DCTN6: variants seen among roughly 807,000 people sequenced by gnomAD.
DCTN6 encodes dynactin subunit 6.
DCTN6 carries 15 observed loss-of-function variants against 25.8 expected under a neutral mutation model. The ratio of observed to expected loss-of-function variants is 0.58; its 90% CI spans 0.39 to 0.89. The LOEUF (loss-of-function observed/expected upper bound fraction) is 0.89. Ranked by LOEUF, DCTN6 falls within the 40% of genes least tolerant of loss-of-function variation. The probability of loss-of-function intolerance (pLI) is 0.00; values close to 1 mark genes in which losing one functional copy is unlikely to be tolerated. For missense variants in DCTN6, 198 were observed against 237.6 expected, an observed-to-expected ratio of 0.83 and a Z score of 1.09; for synonymous variants, 64 against 78.3, an observed-to-expected ratio of 0.82 and a Z score of 0.96.
intron 6 of DCTN6, 36 bp from the exon 7 acceptor site, chr8:30,183,039 T>G (rs1319672688): frequency 1.3e-6 from 2 of 1,595,276 alleles, no homozygotes; most frequent in Non-Finnish European, 1.7e-6. Flanking sequence ...TGACTTTGCT[T>G]TCTGCCAATC....
chr8:30,180,883 C>T (rs565794937), intron 6 of DCTN6: 1 of 513,474 alleles, frequency 1.9e-6, no homozygotes, highest in African/African-American at 1.9e-5. Flanking sequence ...ACTAGAAAAA[C>T]TAAGCCAGGT....
chr8:30,161,748 AT>A (rs11292520), intron 1 of DCTN6, among the ~76,000 whole-genome samples: 112,740 of 138,726 alleles, frequency 0.81, 47,149 homozygotes, highest in Middle Eastern at 0.92. Context: ...TTGTGTTTTA[AT>A]TTTTTTTTTT....
At chr8:30,165,937 G>A (rs988073043) in intron 2 of DCTN6, 2 of 151,972 alleles carry the variant, frequency 1.3e-5, no homozygotes, top group Admixed American at 6.6e-5. Context: ...CAGTGCCGTG[G>A]TAACTCTTTG....
chr8:30,183,164 A>G lies in DCTN6; in HGVS notation c.564A>G (p.Val188=), dbSNP rs762461803. ...CTATGAAAGGAAGCTCAACTCCAGT[A>G]AAGAACTAAGAACAGTGTATAACAT... ...KKTMKGSSTP[V]KN is the part of the protein sequence containing the mutation. The change falls in exon 7 of 7, where the codon GTA becomes GTG. Residue 188 remains valine (V), a synonymous_variant. Coordinates refer to ENST00000221114, the MANE Select transcript of DCTN6 (RefSeq NM_006571.4). 6.8e-6 allele frequency: 11 copies of G among 1,613,334 alleles called. No homozygotes were observed. The highest frequency in any genetic ancestry group is 5.3e-5 in the African/African-American group (4 of 74,918).
chr8:30,175,701 A>G (rs2117594227), intron 3 of DCTN6, among the ~76,000 whole-genome samples: 1 of 152,310 alleles, frequency 6.6e-6, no homozygotes, highest in East Asian at 1.9e-4. Context: ...ATTAAAAATA[A>G]TAAAATACTA....
chr8:30,160,228 G>A (rs760949933), intron 1 of DCTN6, among the ~76,000 whole-genome samples: 3 of 152,166 alleles, frequency 2.0e-5, no homozygotes, highest in Non-Finnish European at 4.4e-5. Flanking sequence ...GGAGGGACCA[G>A]GTGGAGATAA....
intron 1 of DCTN6, 120 bp downstream of exon 1, chr8:30,156,526 C>A: frequency 8.1e-7 from 1 of 1,241,862 alleles, no homozygotes; most frequent in Non-Finnish European, 1.2e-6. Context: ...GCCGAAGGTA[C>A]CTGAAGCCCA....
chr8:30,175,359 A>G (rs1025527816), intron 3 of DCTN6, among the ~76,000 whole-genome samples, 169 bp downstream of exon 3: 1 of 152,196 alleles, frequency 6.6e-6, no homozygotes, highest in African/African-American at 2.4e-5. Context: ...ACCAAATACC[A>G]TATGAGGGAA....
At chr8:30,164,087 A>T in intron 1 of DCTN6, 24 bp from the exon 2 acceptor site, 1 of 1,602,530 alleles carries the variant, frequency 6.2e-7, no homozygotes, top group Non-Finnish European at 8.6e-7. Flanking sequence ...ACCCCTGGTA[A>T]ATGTTACCTT....
intron 1 of DCTN6, among the ~76,000 whole-genome samples, chr8:30,158,465 C>T (rs958143279): frequency 1.3e-5 from 2 of 152,134 alleles, no homozygotes; most frequent in African/African-American, 4.8e-5. Flanking sequence ...GGAAAAACAT[C>T]TGGAGTGACA....
At chr8:30,157,099 C>G (rs563840539) in intron 1 of DCTN6, among the ~76,000 whole-genome samples, 3 of 152,202 alleles carry the variant, frequency 2.0e-5, no homozygotes, top group African/African-American at 4.8e-5. Flanking sequence ...CCCTCCTACC[C>G]TCGCTGCTTT....
Position 30,183,347 on chromosome 8 carries a change from A to G in DCTN6, c.*174A>G. 2.3e-6 allele frequency: 1 copy of G among 437,722 alleles called. No homozygotes were observed. The highest frequency in any genetic ancestry group is 4.0e-6 in the Non-Finnish European group (1 of 248,844). The allele number at this position is 437,722 out of a possible 1,614,324, so 27.1% of individuals were successfully genotyped here. On this transcript the variant is annotated 3_prime_UTR_variant, in exon 7 of 7. Coordinates refer to ENST00000221114, the MANE Select transcript of DCTN6 (RefSeq NM_006571.4). ...TCATTGTAACTGTCCTTTGTAATTTATATAAATGTATTATTTTCCTATATC... is the reference window on the plus strand; with the variant it reads ...TCATTGTAACTGTCCTTTGTAATTTGTATAAATGTATTATTTTCCTATATC...
chr8:30,171,683 G>A (rs1206688753), intron 2 of DCTN6, among the ~76,000 whole-genome samples: 1 of 152,148 alleles, frequency 6.6e-6, no homozygotes. Context: ...CCTGAGTAGA[G>A]GTGCAAAGTG....
At chr8:30,178,192 C>T (rs896721058) in intron 4 of DCTN6, among the ~76,000 whole-genome samples, 4 of 151,972 alleles carry the variant, frequency 2.6e-5, no homozygotes, top group South Asian at 2.1e-4. Flanking sequence ...GGGCAGGCAC[C>T]GTGGTTCATG....
intron 2 of DCTN6, among the ~76,000 whole-genome samples, chr8:30,174,476 G>A (rs1438150576): frequency 1.3e-5 from 2 of 152,068 alleles, no homozygotes; most frequent in African/African-American, 2.4e-5. Flanking sequence ...GGGACTACAG[G>A]CGCACATACC....
chr8:30,173,983 G>A (rs1585503697), intron 2 of DCTN6, among the ~76,000 whole-genome samples: 1 of 152,248 alleles, frequency 6.6e-6, no homozygotes, highest in Admixed American at 6.5e-5. Flanking sequence ...CTCAGCCTGT[G>A]GTAGATAAAG....
chr8:30,157,952 G>T (rs906914812), intron 1 of DCTN6, among the ~76,000 whole-genome samples: 3 of 152,204 alleles, frequency 2.0e-5, no homozygotes, highest in African/African-American at 4.8e-5. Context: ...TTACAGTGAA[G>T]ATTAAGGTAT....
chr8:30,156,440 G>C (rs1803526139), intron 1 of DCTN6, 34 bp downstream of exon 1: 2 of 1,586,810 alleles, frequency 1.3e-6, no homozygotes. Flanking sequence ...CCTTTTCTCA[G>C]CTTTCCGTAG....
At chr8:30,168,252 C>T (rs1464531236) in intron 2 of DCTN6, among the ~76,000 whole-genome samples, 3 of 152,178 alleles carry the variant, frequency 2.0e-5, no homozygotes, top group Admixed American at 6.5e-5. Flanking sequence ...TGTTTCTTAT[C>T]TTCAACTGTA....
Sources: gnomAD v4.1 joint callset for allele counts (sites outside exome capture counted in the v4.1 genomes callset) on GRCh38, gnomAD v4.1.1 for gene constraint, MANE v1.5 for transcripts, NCBI Gene and HGNC (gene_info 2026-07-23, HGNC 2026-07-21) for gene names.